UNC13C: variants seen among roughly 807,000 people sequenced by gnomAD.
UNC13C encodes unc-13 homolog C.
Under a neutral mutation model 245.4 loss-of-function variants are expected in UNC13C, and 174 were observed. The ratio of observed to expected loss-of-function variants is 0.71; its 90% CI spans 0.63 to 0.80. The LOEUF (loss-of-function observed/expected upper bound fraction) is 0.80. Ranked by LOEUF, UNC13C falls within the 30% of genes least tolerant of loss-of-function variation. The probability of loss-of-function intolerance (pLI) is 0.00; values close to 1 mark genes in which losing one functional copy is unlikely to be tolerated. For synonymous variants in UNC13C, 992 were observed against 895.1 expected, an observed-to-expected ratio of 1.11 and a Z score of -1.93; for missense variants, 2,829 against 2,602.9, an observed-to-expected ratio of 1.09 and a Z score of -1.89.
intron 7 of UNC13C, among the ~76,000 whole-genome samples, chr15:54,249,197 C>CA (rs2036075344): frequency 6.7e-6 from 1 of 150,180 alleles, no homozygotes; most frequent in Non-Finnish European, 1.5e-5. Flanking sequence ...AACCAATTCT[C>CA]TTTTCTATTG....
At chr15:54,432,365 G>T (rs2040889537) in intron 19 of UNC13C, among the ~76,000 whole-genome samples, 1 of 151,582 alleles carries the variant, frequency 6.6e-6, no homozygotes, top group Admixed American at 6.6e-5. Flanking sequence ...TGATTTTTGT[G>T]CCAAGATTTC....
intron 2 of UNC13C, among the ~76,000 whole-genome samples, chr15:54,035,950 G>A (rs948483693): frequency 1.3e-5 from 2 of 152,120 alleles, no homozygotes; most frequent in African/African-American, 4.8e-5. Context: ...TTGAGAAGAA[G>A]ATCTGGTAGT....
chr15:54,359,858 C>T (rs1047519803), intron 17 of UNC13C, among the ~76,000 whole-genome samples: 5 of 151,612 alleles, frequency 3.3e-5, no homozygotes, highest in Non-Finnish European at 7.4e-5. Context: ...GTTCTGTTCT[C>T]TGTTATTTCT....
intron 2 of UNC13C, among the ~76,000 whole-genome samples, chr15:54,124,593 C>T (rs2030907527): frequency 6.6e-6 from 1 of 151,870 alleles, no homozygotes; most frequent in African/African-American, 2.4e-5. Context: ...GTCTTTTTAT[C>T]CTCCTAACAA....
At chr15:53,973,050 GA>G in the UNC13C span, among the ~76,000 whole-genome samples, 2 of 152,022 alleles carry the variant, frequency 1.3e-5, no homozygotes, top group South Asian at 4.2e-4. Flanking sequence ...GTAAAGAATA[GA>G]AAAGGAAAAA....
intron 4 of UNC13C, among the ~76,000 whole-genome samples, chr15:54,172,687 G>T (rs1160195906): frequency 1.1e-5 from 1 of 90,564 alleles, no homozygotes; most frequent in Non-Finnish European, 2.3e-5. Flanking sequence ...TTATGACAAA[G>T]TCAAATACAC....
At chr15:54,044,937 G>A (rs771347885) in intron 2 of UNC13C, among the ~76,000 whole-genome samples, 2 of 151,716 alleles carry the variant, frequency 1.3e-5, no homozygotes, top group Admixed American at 6.6e-5. Context: ...TCTTTTTATT[G>A]TTGAATTGTA....
intron 17 of UNC13C, among the ~76,000 whole-genome samples, chr15:54,352,261 A>G (rs1472995645): frequency 1.3e-5 from 2 of 148,294 alleles, no homozygotes; most frequent in African/African-American, 4.9e-5. Flanking sequence ...GATTATACAA[A>G]TATATAACAC....
chr15:54,225,493 T>C (rs2035354555), intron 4 of UNC13C, among the ~76,000 whole-genome samples: 1 of 152,204 alleles, frequency 6.6e-6, no homozygotes, highest in Admixed American at 6.5e-5. Flanking sequence ...CCTTGAGTGG[T>C]GGTTTGTAGT....
At chr15:53,916,194 C>T in the UNC13C span, among the ~76,000 whole-genome samples, 55 of 152,252 alleles carry the variant, frequency 3.6e-4, no homozygotes, top group Middle Eastern at 0.014. Context: ...TACAAATTAA[C>T]GTATTAGCTA....
chr15:54,412,772 C>T (rs2040441978), intron 18 of UNC13C, among the ~76,000 whole-genome samples: 1 of 152,042 alleles, frequency 6.6e-6, no homozygotes. Flanking sequence ...TATCTATATG[C>T]CTTTTATGTA....
At chr15:53,977,539 C>T (rs1043537911), upstream of UNC13C, among the ~76,000 whole-genome samples, 1 of 152,136 alleles carries the variant, frequency 6.6e-6, no homozygotes, top group African/African-American at 2.4e-5. Context: ...AAATATCCTT[C>T]CATTTTCTAA....
intron 19 of UNC13C, among the ~76,000 whole-genome samples, chr15:54,449,930 G>T: frequency 6.6e-6 from 1 of 152,114 alleles, no homozygotes; most frequent in East Asian, 1.9e-4. Context: ...TTTGATGATG[G>T]TGACGTACAG....
the UNC13C span, among the ~76,000 whole-genome samples, chr15:53,934,856 T>A: frequency 6.6e-6 from 1 of 152,122 alleles, no homozygotes; most frequent in South Asian, 2.1e-4. Context: ...TTTAATAGGT[T>A]ACTAATCCCA....
intron 17 of UNC13C, among the ~76,000 whole-genome samples, chr15:54,362,574 T>A (rs2039258908): frequency 1.3e-5 from 2 of 152,180 alleles, no homozygotes; most frequent in African/African-American, 4.8e-5. Flanking sequence ...CTCAGTTTTT[T>A]TCCATTGCAG....
At chr15:54,512,325 T>C (rs922593207) in intron 24 of UNC13C, 2 of 455,960 alleles carry the variant, frequency 4.4e-6, no homozygotes, top group Non-Finnish European at 8.8e-6. Flanking sequence ...TCCAACATCT[T>C]TGACTTGCAA....
At chr15:53,870,316 A>T in the UNC13C span, among the ~76,000 whole-genome samples, 1 of 152,180 alleles carries the variant, frequency 6.6e-6, no homozygotes, top group Non-Finnish European at 1.5e-5. Flanking sequence ...TAATATTAAC[A>T]TATATCAAGT....
At chr15:54,180,769 T>C (rs1320306353) in intron 4 of UNC13C, among the ~76,000 whole-genome samples, 1 of 149,278 alleles carries the variant, frequency 6.7e-6, no homozygotes, top group South Asian at 2.1e-4. Context: ...TTTTTTCATA[T>C]ATTTGTTGGA....
At chr15:54,008,149 A>G (rs559006053) in intron 1 of UNC13C, among the ~76,000 whole-genome samples, 13 of 152,326 alleles carry the variant, frequency 8.5e-5, no homozygotes, top group Admixed American at 5.2e-4. Flanking sequence ...AGGGTATTAA[A>G]TAGTTCTCTT....
Sources: gnomAD v4.1 joint callset for allele counts (sites outside exome capture counted in the v4.1 genomes callset) on GRCh38, gnomAD v4.1.1 for gene constraint, MANE v1.5 for transcripts, NCBI Gene and HGNC (gene_info 2026-07-23, HGNC 2026-07-21) for gene names.